SCN8A: variants seen among roughly 807,000 people sequenced by gnomAD.
SCN8A encodes sodium voltage-gated channel alpha subunit 8.
SCN8A carries 30 observed loss-of-function variants against 184.1 expected under a neutral mutation model. The observed-to-expected ratio is 0.16, with a 90% CI of 0.12 to 0.22. SCN8A has a LOEUF of 0.22. Among genes scored for constraint, SCN8A ranks in the 10% least tolerant of loss-of-function variants. The pLI is 1.00. For missense variants in SCN8A, 1,057 were observed against 2,498.9 expected (o/e 0.42, Z 12.30); for synonymous variants, 852 against 907.0 (o/e 0.94, Z 1.09).
rs779590904 is a variant in SCN8A at position 51,601,441 on chromosome 12, C to CT, written c.-55+10096dup. 2.3e-3 allele frequency among the ~76,000 whole-genome samples: 327 copies of CT among 140,728 alleles called. 1 individual carries two copies. Among genetic ancestry groups the CT allele is most frequent in the Non-Finnish European group, 3.0e-3 (192 of 64,366 alleles). The allele number at this position is 140,728 out of a possible 152,430, so 92.3% of individuals were successfully genotyped here. On this transcript the variant is annotated intron_variant, in intron 1 of 26. Transcript: ENST00000627620. The stretch of plus-strand genomic sequence containing the variant: ...GAATGTTTCACTTACCTAACAAGGC[C>CT]TTTTTTTTTTTTTTCCTGACTCATG...
At chr12:51,645,849 A>G (rs1392432997) in intron 1 of SCN8A, among the ~76,000 whole-genome samples, 1 of 149,790 alleles carries the variant, frequency 6.7e-6, no homozygotes, top group Non-Finnish European at 1.5e-5. Flanking sequence ...TAGGAAAACC[A>G]GAGACCTTTG....
intron 1 of SCN8A, among the ~76,000 whole-genome samples, chr12:51,625,090 G>A (rs1009946174): frequency 1.7e-4 from 26 of 152,050 alleles, no homozygotes; most frequent in African/African-American, 6.3e-4. Context: ...ACAGTTCTAC[G>A]GATTTTAACA....
intron 12 of SCN8A, among the ~76,000 whole-genome samples, chr12:51,739,801 T>C (rs1224483398): frequency 6.6e-6 from 1 of 152,104 alleles, no homozygotes; most frequent in Non-Finnish European, 1.5e-5. Flanking sequence ...CCAGTGGCGC[T>C]AGAGGAATTA....
intron 5 of SCN8A, among the ~76,000 whole-genome samples, chr12:51,687,631 A>T (rs1941440714): frequency 6.6e-6 from 1 of 152,218 alleles, no homozygotes; most frequent in Non-Finnish European, 1.5e-5. Flanking sequence ...ATGTAATTTA[A>T]TAAGGCTGGC....
chr12:51,714,628 T>C (rs1035430910), intron 11 of SCN8A, among the ~76,000 whole-genome samples: 3 of 152,156 alleles, frequency 2.0e-5, no homozygotes, highest in Non-Finnish European at 4.4e-5. Context: ...ACCAGTGTTA[T>C]ACTAGAAAGA....
chr12:51,794,424 T>A lies in SCN8A; in HGVS notation c.4578T>A (p.Ile1526=). The A allele has an allele frequency of 6.2e-7, 1 of 1,613,904 alleles. No homozygotes were observed. Among genetic ancestry groups the A allele is most frequent in the Non-Finnish European group, 8.5e-7 (1 of 1,179,838 alleles). Residue 1526 remains isoleucine, a synonymous_variant, in exon 26 of 27, where the codon ATT becomes ATA. Coordinates refer to ENST00000627620, the MANE Select transcript of SCN8A (RefSeq NM_001330260.2). ...FDFVTQQAFD[I]VIMMLICLNM... is the part of the protein sequence containing the mutation. Reference sequence around the variant, plus strand: ...TTGTCACTCAGCAAGCCTTTGACATTGTTATCATGATGCTCATCTGCCTTA... The same window carrying A: ...TTGTCACTCAGCAAGCCTTTGACATAGTTATCATGATGCTCATCTGCCTTA...
chr12:51,605,144 G>C lies in SCN8A; in HGVS notation c.-55+13785G>C, dbSNP rs367845888. Among the ~76,000 whole-genome samples the C allele has an allele frequency of 1.1e-4, 17 of 150,012 alleles. No individual in the cohort carries two copies. The East Asian group carries it at 1.7e-3, about 15-fold the overall frequency. On this transcript the variant is annotated intron_variant, in intron 1 of 26. Coordinates refer to ENST00000627620, the MANE Select transcript of SCN8A (RefSeq NM_001330260.2). ...CTTTTCTTTCCCCATAAGTTATTGG[G>C]GTACAGGTGGTATTTGGTTACATCA...
At chr12:51,803,592 T>C (rs1938614389) in intron 26 of SCN8A, among the ~76,000 whole-genome samples, 1 of 152,124 alleles carries the variant, frequency 6.6e-6, no homozygotes, top group Non-Finnish European at 1.5e-5. Context: ...CATTTCTCCC[T>C]TTTTCTATGG....
intron 26 of SCN8A, among the ~76,000 whole-genome samples, chr12:51,798,371 G>A (rs1201763804): frequency 1.3e-5 from 2 of 152,202 alleles, no homozygotes; most frequent in Non-Finnish European, 2.9e-5. Flanking sequence ...TGCAGGATAA[G>A]CAAACCCATA....
chr12:51,772,469 G>C (rs1942940770), intron 19 of SCN8A, among the ~76,000 whole-genome samples: 1 of 151,948 alleles, frequency 6.6e-6, no homozygotes, highest in African/African-American at 2.4e-5. Context: ...GGTTACAATG[G>C]GACTAAAGAG....
chr12:51,670,240 T>A (rs1418776046), intron 2 of SCN8A, among the ~76,000 whole-genome samples: 1 of 152,176 alleles, frequency 6.6e-6, no homozygotes, highest in East Asian at 1.9e-4. Flanking sequence ...AAATCAGATT[T>A]CTCTTTTGTA....
chr12:51,789,923 A>C (rs760509125), intron 24 of SCN8A, among the ~76,000 whole-genome samples: 18 of 152,274 alleles, frequency 1.2e-4, no homozygotes, highest in Non-Finnish European at 2.4e-4. Flanking sequence ...AGTCAAGTCT[A>C]TCCCAGCATA....
chr12:51,633,260 C>T lies in SCN8A; in HGVS notation c.-54-29504C>T, dbSNP rs1190213847. Among the ~76,000 whole-genome samples, 3 of 152,142 alleles carry T rather than the reference C, an allele frequency of 2.0e-5. No homozygotes were observed. In the East Asian group the frequency reaches 5.8e-4, roughly 29 times the overall value. The stretch of plus-strand genomic sequence containing the variant: ...GTGCATACTCATATATACACATATA[C>T]ATTTACACATAACAATTAGAAATAT... On this transcript the variant is annotated intron_variant, in intron 1 of 26. Transcript: ENST00000627620.
At chr12:51,689,665 T>A (rs1424707999) in intron 6 of SCN8A, 1 of 152,906 alleles carries the variant, frequency 6.5e-6, no homozygotes, top group East Asian at 1.9e-4. Context: ...TCTACTGCTG[T>A]CTGTCTCACT....
chr12:51,639,290 A>G (rs1940389688), intron 1 of SCN8A, among the ~76,000 whole-genome samples: 2 of 152,220 alleles, frequency 1.3e-5, no homozygotes, highest in Admixed American at 6.5e-5. Flanking sequence ...CTGAGATGGA[A>G]TCTCCTCCTG....
chr12:51,605,609 C>T (rs910417852), intron 1 of SCN8A, among the ~76,000 whole-genome samples: 1 of 152,296 alleles, frequency 6.6e-6, no homozygotes, highest in Non-Finnish European at 1.5e-5. Flanking sequence ...GGTGGATACC[C>T]AGTAGTGGGA....
chr12:51,674,322 C>T (rs1941184284), intron 2 of SCN8A, among the ~76,000 whole-genome samples: 1 of 151,998 alleles, frequency 6.6e-6, no homozygotes, highest in Admixed American at 6.6e-5. Context: ...AAATATTAGC[C>T]CCTTCTTGTC....
chr12:51,746,001 TATA>T lies in SCN8A; in HGVS notation c.2100_2102del (p.Ile700del), dbSNP rs775061900. ...ACGGGCGGAAGGACAGAATCAACAG[TATA>T]ATGAGTGTTGTTACAAATACACTAG... On this transcript the variant is annotated inframe_deletion, in exon 13 of 27. Transcript: ENST00000627620. 3 of 1,611,220 alleles carry T rather than the reference TATA, an allele frequency of 1.9e-6. No homozygotes were observed. Among genetic ancestry groups the T allele is most frequent in the Non-Finnish European group, 2.5e-6 (3 of 1,178,692 alleles).
intron 21 of SCN8A, among the ~76,000 whole-genome samples, chr12:51,783,275 T>C (rs1412618850): frequency 6.6e-6 from 1 of 152,130 alleles, no homozygotes; most frequent in Non-Finnish European, 1.5e-5. Context: ...TAGGTACACA[T>C]GTTTTATTTA....
Sources: gnomAD v4.1 joint callset for allele counts (sites outside exome capture counted in the v4.1 genomes callset) on GRCh38, gnomAD v4.1.1 for gene constraint, MANE v1.5 for transcripts, NCBI Gene and HGNC (gene_info 2026-07-23, HGNC 2026-07-21) for gene names.